RASEF: variants seen among roughly 807,000 people sequenced by gnomAD.
RASEF encodes RAS and EF-hand domain containing.
A neutral mutation model predicts 90.1 loss-of-function variants in RASEF; 68 were observed. That is an observed-to-expected ratio of 0.75 (90% CI 0.62 to 0.92). The LOEUF (loss-of-function observed/expected upper bound fraction) is 0.92. Ranked by LOEUF, RASEF falls within the 40% of genes least tolerant of loss-of-function variation. The probability of loss-of-function intolerance (pLI) is 0.00; values close to 1 mark genes in which losing one functional copy is unlikely to be tolerated. For synonymous variants in RASEF, 331 were observed against 345.2 expected (o/e 0.96, Z 0.46); for missense variants, 949 against 937.2 (o/e 1.01, Z -0.16).
At chr9:82,986,543 C>T (rs1313785263) in intron 16 of RASEF, among the ~76,000 whole-genome samples, 4 of 152,208 alleles carry the variant, frequency 2.6e-5, no homozygotes, top group Admixed American at 2.6e-4. Flanking sequence ...ATCTGGCCTT[C>T]AGCCAAAAAT....
In RASEF at chr9:83,000,320, G is replaced by A. The variant is rs1455307299; in HGVS notation, c.1576-4C>T. 3.1e-6 allele frequency: 5 copies of A among 1,612,774 alleles called. No individual in the cohort carries two copies. Among genetic ancestry groups the A allele is most frequent in the Non-Finnish European group, 3.4e-6 (4 of 1,179,574 alleles). ...CGTTGTCATCTACCAGGTCTGTCTGGGGGGAAAAGCCACAGTGAATGATAA... is the reference window on the plus strand; with the variant it reads ...CGTTGTCATCTACCAGGTCTGTCTGAGGGGAAAAGCCACAGTGAATGATAA... On this transcript the variant is annotated splice_polypyrimidine_tract_variant and splice_region_variant and intron_variant, in intron 11 of 16. Transcript: ENST00000376447.
Position 82,981,852 on chromosome 9 carries a change from T to C in RASEF, c.*825A>G, listed in dbSNP as rs1828610337. The stretch of plus-strand genomic sequence containing the variant: ...CATTGTGCTTTCAGTAGTATGTGGC[T>C]TTACATGTTTCCATTAGAATTTTTA... On this transcript the variant is annotated 3_prime_UTR_variant, in exon 17 of 17. Coordinates refer to ENST00000376447, the MANE Select transcript of RASEF (RefSeq NM_152573.4). The C allele has an allele frequency of 6.6e-6, 1 of 152,236 alleles. No homozygotes were observed. Among genetic ancestry groups the C allele is most frequent in the African/African-American group, 2.4e-5 (1 of 41,454 alleles). 9.4% of individuals were successfully genotyped at this position (152,236 alleles called of 1,614,324 possible). A position where few individuals can be genotyped will look rare whatever the true frequency, so the allele number is the denominator to read the frequency against.
At chr9:83,214,806 G>T in the RASEF span, among the ~76,000 whole-genome samples, 2 of 152,002 alleles carry the variant, frequency 1.3e-5, no homozygotes, top group African/African-American at 4.8e-5. Flanking sequence ...CAGCCATGTA[G>T]AACTGATACA....
At chr9:83,123,943 A>T in the RASEF span, among the ~76,000 whole-genome samples, 1 of 152,204 alleles carries the variant, frequency 6.6e-6, no homozygotes, top group Non-Finnish European at 1.5e-5. Flanking sequence ...GAAACTCTGT[A>T]CCCATGAAAC....
At chr9:83,144,201 TTGTAGCTTGAAAAA>T in the RASEF span, among the ~76,000 whole-genome samples, 1 of 151,134 alleles carries the variant, frequency 6.6e-6, no homozygotes, top group African/African-American at 2.4e-5. Context: ...AGGCACGGGG[TTGTAGCTTGAAAAA>T]TTATCTATTG....
At chr9:83,008,562 G>A (rs777653241) in intron 6 of RASEF, among the ~76,000 whole-genome samples, 1 of 151,880 alleles carries the variant, frequency 6.6e-6, no homozygotes, top group Non-Finnish European at 1.5e-5. Flanking sequence ...TCTGTGGACT[G>A]GATCAGTTAA....
At chr9:82,988,596 C>G (rs942230177) in intron 16 of RASEF, among the ~76,000 whole-genome samples, 1 of 152,122 alleles carries the variant, frequency 6.6e-6, no homozygotes, top group Non-Finnish European at 1.5e-5. Flanking sequence ...AATGGCATAG[C>G]TCCATCCCTT....
At position 82,982,774 on chromosome 9, in the gene RASEF, T is replaced by C; in HGVS notation, c.2126A>G (p.Lys709Arg). Residue 709 changes from lysine to arginine, a missense_variant, in exon 17 of 17, where the codon AAA becomes AGA. Coordinates refer to ENST00000376447, the MANE Select transcript of RASEF (RefSeq NM_152573.4). The part of the protein sequence containing the change: ...EAVLHLAREV[K>R]KRTDKDDSRS... ...GCTGTCATCCTTGTCAGTTCTCTTT[T>C]TCACTTCTCTGAGACAGAGATAGAG... is the stretch of plus-strand genomic sequence containing the variant. 2 of 1,579,204 alleles carry C rather than the reference T, an allele frequency of 1.3e-6. 1 individual carries two copies. Among genetic ancestry groups the C allele is most frequent in the South Asian group, 2.2e-5 (2 of 90,256 alleles).
chr9:83,015,348 G>T (rs1829323761), intron 4 of RASEF, among the ~76,000 whole-genome samples: 1 of 152,148 alleles, frequency 6.6e-6, no homozygotes, highest in Non-Finnish European at 1.5e-5. Context: ...CAAAAGACAG[G>T]TGGCCCCTGG....
the RASEF span, among the ~76,000 whole-genome samples, chr9:83,107,018 T>C: frequency 6.6e-6 from 1 of 152,160 alleles, no homozygotes; most frequent in Non-Finnish European, 1.5e-5. Flanking sequence ...TTTAAACAAA[T>C]GAGCAGCAAC....
chr9:83,203,391 T>A, the RASEF span, among the ~76,000 whole-genome samples: 1 of 152,062 alleles, frequency 6.6e-6, no homozygotes, highest in African/African-American at 2.4e-5. Flanking sequence ...TTCTCCTGCC[T>A]CAGCCTCCCA....
chr9:83,037,543 C>A (rs764805757), intron 1 of RASEF, among the ~76,000 whole-genome samples: 5 of 152,046 alleles, frequency 3.3e-5, no homozygotes, highest in Non-Finnish European at 7.4e-5. Context: ...GAATTGGTGG[C>A]ACATATAACT....
chr9:83,127,493 G>C, the RASEF span, among the ~76,000 whole-genome samples: 162 of 152,216 alleles, frequency 1.1e-3, no homozygotes, highest in Middle Eastern at 3.4e-3. Context: ...AAAAGAAAAG[G>C]GCTCAAAGAG....
intron 9 of RASEF, among the ~76,000 whole-genome samples, chr9:83,002,083 A>G (rs909421666): frequency 4.6e-5 from 7 of 152,196 alleles, no homozygotes; most frequent in African/African-American, 1.7e-4. Context: ...TAAGAATCTA[A>G]GTTTACCAAT....
the RASEF span, among the ~76,000 whole-genome samples, chr9:83,208,699 G>A: frequency 1.3e-5 from 2 of 152,234 alleles, no homozygotes; most frequent in South Asian, 4.1e-4. Context: ...AAGACCGATA[G>A]CCAGGAAAAT....
At position 83,062,890 on chromosome 9, in the gene RASEF, G is replaced by A. The variant is rs1587533134; in HGVS notation, c.-23C>T. On this transcript the variant is annotated 5_prime_UTR_variant, in exon 1 of 17. Coordinates refer to ENST00000376447, the MANE Select transcript of RASEF (RefSeq NM_152573.4). ...CATCCCGCCTGGCGGGGGCGGCCGA[G>A]AGGGCTCCGGAGCGCCGCGGGGCGC... 4 of 1,423,702 alleles carry A rather than the reference G, an allele frequency of 2.8e-6. No individual in the cohort carries two copies. The highest frequency in any genetic ancestry group is 2.9e-5 in the East Asian group (1 of 34,572). 88.2% of individuals were successfully genotyped at this position (1,423,702 alleles called of 1,614,324 possible).
the RASEF span, among the ~76,000 whole-genome samples, chr9:83,183,869 T>C: frequency 6.6e-6 from 1 of 152,224 alleles, no homozygotes; most frequent in Admixed American, 6.5e-5. Context: ...TTGGTGGCCA[T>C]TTGCCAATAA....
intron 14 of RASEF, among the ~76,000 whole-genome samples, chr9:82,996,653 A>G (rs1354899285): frequency 1.3e-5 from 2 of 152,134 alleles, no homozygotes; most frequent in South Asian, 2.1e-4. Flanking sequence ...ATGCCCCCAC[A>G]TGCCCCCAAC....
At chr9:83,174,735 AC>A in the RASEF span, among the ~76,000 whole-genome samples, 3 of 152,038 alleles carry the variant, frequency 2.0e-5, no homozygotes, top group Non-Finnish European at 4.4e-5. Context: ...AACAATGTTA[AC>A]TCTTCCGATT....
Sources: gnomAD v4.1 joint callset for allele counts (sites outside exome capture counted in the v4.1 genomes callset) on GRCh38, gnomAD v4.1.1 for gene constraint, MANE v1.5 for transcripts, NCBI Gene and HGNC (gene_info 2026-07-23, HGNC 2026-07-21) for gene names.